The following GREM2 variants were observed in gnomAD, a reference collection of about 807,000 sequenced individuals.
GREM2 encodes the protein gremlin-2.
A neutral mutation model predicts 14.2 loss-of-function variants in GREM2; 11 were observed. That is an observed-to-expected ratio of 0.78 (90% confidence interval 0.49 to 1.28). The LOEUF (loss-of-function observed/expected upper bound fraction) is 1.28, where lower values mean the gene tolerates loss of function less well. Among genes scored for constraint, GREM2 ranks in the 50% most tolerant of loss-of-function variants. The pLI is 0.00. For missense variants in GREM2, 210 were observed against 218.5 expected (o/e 0.96, Z 0.24); for synonymous variants, 98 against 97.6 (o/e 1.00, Z -0.02).
chr1:240,551,018 TAA>T (rs1249189173), intron 1 of GREM2, among the ~76,000 whole-genome samples: 2 of 152,256 alleles, frequency 1.3e-5, no homozygotes, highest in Non-Finnish European at 2.9e-5. Flanking sequence ...AGAACTCATT[TAA>T]AGTTTTCTAT....
chr1:240,605,218 C>T (rs1680002404), intron 1 of GREM2, among the ~76,000 whole-genome samples: 1 of 152,142 alleles, frequency 6.6e-6, no homozygotes, highest in South Asian at 2.1e-4. Context: ...TGTACCCTTT[C>T]TACGGAAGTA....
intron 1 of GREM2, among the ~76,000 whole-genome samples, chr1:240,493,962 G>T (rs1677338169): frequency 6.6e-6 from 1 of 152,288 alleles, no homozygotes; most frequent in East Asian, 1.9e-4. Flanking sequence ...CCCAAATAAT[G>T]CCTGGAAGGC....
At chr1:240,561,451 C>T (rs9428852) in intron 1 of GREM2, among the ~76,000 whole-genome samples, 5,187 of 152,100 alleles carry the variant, frequency 0.034, 284 homozygotes, top group African/African-American at 0.12. Flanking sequence ...ATTTGCCCAA[C>T]CTAACAGTCC....
intron 1 of GREM2, among the ~76,000 whole-genome samples, chr1:240,548,026 C>T (rs1678773849): frequency 6.6e-6 from 1 of 151,622 alleles, no homozygotes; most frequent in Non-Finnish European, 1.5e-5. Flanking sequence ...GTTTGGGAGG[C>T]CAAGGTGGGT....
chr1:240,493,375 T>TA lies in GREM2; in HGVS notation c.100dup (p.Tyr34LeufsTer38). ...CGAGTTGTTGCTGCTGCCGTCCTTGTAAGGCGAGGGGATGGCGCCCGCCGG... is the reference window on the plus strand; with the variant it reads ...CGAGTTGTTGCTGCTGCCGTCCTTGTAAAGGCGAGGGGATGGCGCCCGCCGG... On this transcript the variant is annotated frameshift_variant, in exon 2 of 2. Transcript: ENST00000318160. LOFTEE classifies it high-confidence loss of function. The TA allele has an allele frequency of 6.2e-7, 1 of 1,613,816 alleles. No individual in the cohort carries two copies. Among genetic ancestry groups the TA allele is most frequent in the African/African-American group, 1.3e-5 (1 of 75,024 alleles).
At chr1:240,549,736 TCA>T (rs1491446828) in intron 1 of GREM2, 3 of 152,244 alleles carry the variant, frequency 2.0e-5, no homozygotes, top group Non-Finnish European at 4.4e-5. Flanking sequence ...TGGCTCTGTG[TCA>T]CACAGAGTTG....
intron 1 of GREM2, among the ~76,000 whole-genome samples, chr1:240,510,243 G>T (rs896082065): frequency 6.6e-6 from 1 of 151,706 alleles, no homozygotes; most frequent in Non-Finnish European, 1.5e-5. Context: ...GGTGGCGGGC[G>T]CCTGTAGTCC....
At chr1:240,503,466 T>C (rs1677613868) in intron 1 of GREM2, among the ~76,000 whole-genome samples, 1 of 152,228 alleles carries the variant, frequency 6.6e-6, no homozygotes, top group Non-Finnish European at 1.5e-5. Flanking sequence ...CCTGCAAATC[T>C]GTCTGTGTTA....
chr1:240,572,971 A>G (rs552069730), intron 1 of GREM2, among the ~76,000 whole-genome samples: 1 of 152,334 alleles, frequency 6.6e-6, no homozygotes, highest in South Asian at 2.1e-4. Flanking sequence ...AGAATTATTC[A>G]TTGGCCTGTG....
intron 1 of GREM2, among the ~76,000 whole-genome samples, chr1:240,572,673 G>A (rs79632008): frequency 0.01 from 1,598 of 152,272 alleles, 31 homozygotes; most frequent in African/African-American, 0.037. Flanking sequence ...TATAGATAAT[G>A]CTCTAGCTTT....
intron 1 of GREM2, among the ~76,000 whole-genome samples, chr1:240,555,199 G>T (rs1678931658): frequency 6.6e-6 from 1 of 152,064 alleles, no homozygotes. Context: ...ACCATATTCT[G>T]GGAGGCCTTA....
chr1:240,521,350 C>T (rs1678085427), intron 1 of GREM2, among the ~76,000 whole-genome samples: 1 of 152,074 alleles, frequency 6.6e-6, no homozygotes, highest in Non-Finnish European at 1.5e-5. Context: ...GGGCGGATCA[C>T]GAGGTCAGGA....
Position 240,508,169 on chromosome 1 carries a change from G to C in GREM2, c.-1-14693C>G, listed in dbSNP as rs141331743. Among the ~76,000 whole-genome samples, 277 of 152,300 alleles carry C rather than the reference G, an allele frequency of 1.8e-3. 1 individual carries two copies. Among genetic ancestry groups the C allele is most frequent in the African/African-American group, 6.2e-3 (256 of 41,558 alleles). ...AAAACTTCATCAGGGTAGAGACTAA[G>C]TCTGTTTTGTTCACCACTGTATCTC... On this transcript the variant is annotated intron_variant, in intron 1 of 1. Transcript: ENST00000318160.
At chr1:240,570,058 G>A (rs1679231083) in intron 1 of GREM2, among the ~76,000 whole-genome samples, 1 of 152,124 alleles carries the variant, frequency 6.6e-6, no homozygotes, top group African/African-American at 2.4e-5. Context: ...TCTATTCTGT[G>A]GATGCTTTAA....
intron 1 of GREM2, among the ~76,000 whole-genome samples, chr1:240,556,704 C>T (rs915391918): frequency 8.6e-5 from 13 of 151,902 alleles, no homozygotes; most frequent in East Asian, 7.7e-4. Context: ...TAAGAAACAG[C>T]GCTTTGAAAT....
In GREM2 at chr1:240,504,414, A is replaced by G. The variant is rs538459931; in HGVS notation, c.-1-10938T>C. On this transcript the variant is annotated intron_variant, in intron 1 of 1. Transcript: ENST00000318160. Reference sequence around the variant, plus strand: ...TTCCAAGAGGTATGAGTACAAGGGTAGTTTTAGGGGAATCAATATACAAAT... The same window carrying G: ...TTCCAAGAGGTATGAGTACAAGGGTGGTTTTAGGGGAATCAATATACAAAT... 3.9e-5 allele frequency among the ~76,000 whole-genome samples: 6 copies of G among 152,314 alleles called. No individual in the cohort carries two copies. The South Asian group carries it at 1.2e-3, about 32-fold the overall frequency.
At chr1:240,521,579 A>C (rs867264168) in intron 1 of GREM2, among the ~76,000 whole-genome samples, 3 of 152,148 alleles carry the variant, frequency 2.0e-5, no homozygotes, top group African/African-American at 7.2e-5. Flanking sequence ...TCAAAAAAAA[A>C]CAAAAAAACA....
At chr1:240,587,670 T>C (rs897331005) in intron 1 of GREM2, among the ~76,000 whole-genome samples, 1 of 152,196 alleles carries the variant, frequency 6.6e-6, no homozygotes, top group Non-Finnish European at 1.5e-5. Flanking sequence ...TAATATACTA[T>C]TCTTATTAGC....
At chr1:240,585,771 C>T (rs1371955058) in intron 1 of GREM2, among the ~76,000 whole-genome samples, 1 of 147,532 alleles carries the variant, frequency 6.8e-6, no homozygotes. Context: ...AAGAAAGTTC[C>T]AACCAGGTGG....
Sources: gnomAD v4.1 joint callset for allele counts (sites outside exome capture counted in the v4.1 genomes callset) on GRCh38, gnomAD v4.1.1 for gene constraint, MANE v1.5 for transcripts, NCBI Gene and HGNC (gene_info 2026-07-23, HGNC 2026-07-21) for gene names.